The following DAB1 variants were observed in gnomAD, a reference collection of about 807,000 sequenced individuals.
The protein encoded by DAB1 is disabled homolog 1.
In DAB1, 15 loss-of-function variants were observed where a neutral mutation model predicts 64.6. The ratio of observed to expected loss-of-function variants is 0.23; its 90% CI spans 0.16 to 0.36. The LOEUF is 0.36. DAB1 is among the 10% of genes least tolerant of loss of function. The pLI is 1.00. For synonymous variants in DAB1, 235 were observed against 251.9 expected (o/e 0.93, Z 0.64); for missense variants, 596 against 706.7 (o/e 0.84, Z 1.78).
intron 5 of DAB1, among the ~76,000 whole-genome samples, chr1:58,082,349 G>T (rs1258803200): frequency 2.0e-5 from 3 of 151,420 alleles, no homozygotes; most frequent in African/African-American, 7.3e-5. Flanking sequence ...AGTCTGCAAA[G>T]GCCTAATTCA....
chr1:58,118,469 C>CATATATATAT (rs370100684), intron 5 of DAB1, among the ~76,000 whole-genome samples: 238 of 21,992 alleles, frequency 0.011, 8 homozygotes, highest in African/African-American at 0.026. Context: ...TATCCTAAGG[C>CATATATATAT]ATATATATAT....
chr1:58,514,209 T>C (rs1275281686), intron 2 of DAB1, among the ~76,000 whole-genome samples: 1 of 152,194 alleles, frequency 6.6e-6, no homozygotes, highest in East Asian at 1.9e-4. Flanking sequence ...TATAAATGTA[T>C]ATGAATATGC....
intron 5 of DAB1, among the ~76,000 whole-genome samples, chr1:57,974,080 C>T (rs1645862484): frequency 6.6e-6 from 1 of 152,136 alleles, no homozygotes. Flanking sequence ...AGCCTTCTTT[C>T]TGCTCATGAA....
At chr1:57,667,023 C>G (rs543100076) in intron 6 of DAB1, among the ~76,000 whole-genome samples, 3 of 152,234 alleles carry the variant, frequency 2.0e-5, no homozygotes, top group African/African-American at 7.2e-5. Context: ...CTTCTCCTTG[C>G]TCAATATGCT....
rs1367942607 is a variant in DAB1 at position 57,757,446 on chromosome 1, G to C, written n.552-107781C>G. 2.0e-5 allele frequency among the ~76,000 whole-genome samples: 3 copies of C among 151,928 alleles called. No individual in the cohort carries two copies. The East Asian group carries it at 5.8e-4, about 29-fold the overall frequency. On this transcript the variant is annotated intron_variant and non_coding_transcript_variant, in intron 6 of 20. Transcript: ENST00000485760. ...CCGTCCTCTCTCTGAAGACTTAAAG[G>C]GTGAATACTCCCTTCCTCCTTCTAG...
intron 4 of DAB1, among the ~76,000 whole-genome samples, chr1:57,133,090 C>T (rs72909111): frequency 5.9e-4 from 90 of 152,188 alleles, no homozygotes; most frequent in African/African-American, 1.9e-3. Flanking sequence ...ATAGAATTGC[C>T]GTAGCATACT....
At chr1:57,612,196 T>C (rs770276021) in intron 7 of DAB1, among the ~76,000 whole-genome samples, 21 of 39,234 alleles carry the variant, frequency 5.4e-4, no homozygotes, top group Non-Finnish European at 2.3e-4. Flanking sequence ...GGCATGATCT[T>C]GTGTGTGTGT....
intron 1 of DAB1, among the ~76,000 whole-genome samples, chr1:58,531,865 T>C (rs1187934198): frequency 1.3e-5 from 2 of 151,978 alleles, no homozygotes; most frequent in Non-Finnish European, 2.9e-5. Flanking sequence ...CCCACCACCA[T>C]GCTCAGCTAT....
intron 7 of DAB1, among the ~76,000 whole-genome samples, chr1:57,631,021 C>T (rs1645982882): frequency 2.0e-5 from 3 of 152,056 alleles, no homozygotes; most frequent in Admixed American, 2.0e-4. Flanking sequence ...ATGAATGTGA[C>T]AATATGGAAA....
chr1:58,223,677 G>A (rs908785935), intron 4 of DAB1, among the ~76,000 whole-genome samples: 6 of 152,104 alleles, frequency 3.9e-5, no homozygotes, highest in African/African-American at 1.4e-4. Flanking sequence ...GTGGGGATCG[G>A]GGAGGCAGAA....
intron 1 of DAB1, chr1:58,542,510 G>A (rs1169600319): frequency 6.6e-6 from 1 of 152,170 alleles, no homozygotes; most frequent in Non-Finnish European, 1.5e-5. Flanking sequence ...AGACATCCAT[G>A]AGTAGCTGAA....
At chr1:58,290,851 G>A (rs976994545) in intron 4 of DAB1, among the ~76,000 whole-genome samples, 3 of 152,172 alleles carry the variant, frequency 2.0e-5, no homozygotes, top group African/African-American at 7.2e-5. Flanking sequence ...TTAGAACCAC[G>A]TGCTTGTTTT....
intron 4 of DAB1, among the ~76,000 whole-genome samples, chr1:57,092,869 G>T (rs1450517661): frequency 6.6e-6 from 1 of 152,060 alleles, no homozygotes; most frequent in African/African-American, 2.4e-5. Flanking sequence ...TATCCTTAAA[G>T]AATAAAAATA....
intron 3 of DAB1, among the ~76,000 whole-genome samples, chr1:58,497,283 G>A (rs1052110120): frequency 1.3e-5 from 2 of 152,132 alleles, no homozygotes; most frequent in East Asian, 1.9e-4. Flanking sequence ...AGGGACGTAA[G>A]GACCAAATGC....
intron 4 of DAB1, among the ~76,000 whole-genome samples, chr1:58,165,519 C>T (rs1655785596): frequency 6.6e-6 from 1 of 152,140 alleles, no homozygotes; most frequent in South Asian, 2.1e-4. Flanking sequence ...TGCAAAAGGG[C>T]GGCGAGCTTC....
intron 2 of DAB1, among the ~76,000 whole-genome samples, chr1:58,526,407 T>C (rs1646350427): frequency 1.3e-5 from 2 of 152,196 alleles, no homozygotes; most frequent in East Asian, 3.9e-4. Flanking sequence ...AATTAAAACT[T>C]GAATTTAATA....
At chr1:58,277,366 C>G (rs564098448) in intron 4 of DAB1, among the ~76,000 whole-genome samples, 1 of 152,248 alleles carries the variant, frequency 6.6e-6, no homozygotes, top group African/African-American at 2.4e-5. Flanking sequence ...AAGCCTGTTC[C>G]TGGCACTTAA....
upstream of DAB1, among the ~76,000 whole-genome samples, chr1:57,884,875 G>A (rs908681668): frequency 6.6e-6 from 1 of 152,100 alleles, no homozygotes; most frequent in African/African-American, 2.4e-5. Flanking sequence ...AAGGACCATG[G>A]CACCTCCCTC....
At chr1:57,261,578 G>A (rs1558044896) in intron 2 of DAB1, among the ~76,000 whole-genome samples, 1 of 152,118 alleles carries the variant, frequency 6.6e-6, no homozygotes, top group Non-Finnish European at 1.5e-5. Flanking sequence ...GTCTTAGCAT[G>A]AACCAGACCT....
Sources: allele counts gnomAD v4.1 joint callset (sites outside exome capture counted in the v4.1 genomes callset), GRCh38; gene constraint gnomAD v4.1.1; transcripts MANE v1.5; gene names NCBI Gene and HGNC (gene_info 2026-07-23, HGNC 2026-07-21).